PKP3: variants seen among roughly 807,000 people sequenced by gnomAD.
PKP3 encodes plakophilin 3, also known as plakophilin-3.
Under a neutral mutation model 76.5 loss-of-function variants are expected in PKP3, and 66 were observed. The ratio of observed to expected loss-of-function variants is 0.86; its 90% CI spans 0.71 to 1.06. The LOEUF is 1.06. PKP3 is among the 50% of genes least tolerant of loss of function. The pLI is 0.00. For synonymous variants in PKP3, 638 were observed against 516.5 expected (o/e 1.24, Z -3.19); for missense variants, 1,338 against 1,141.0 (o/e 1.17, Z -2.49).
At position 403,159 on chromosome 11, in the gene PKP3, A is replaced by C; in HGVS notation, c.1819A>C (p.Ile607Leu). Reference sequence around the variant, plus strand: ...CCTCGAGTGGCTGTGGAGCCCCCAGATCGTGGGGCTGTACAACCGGCTGCT... The same window carrying C: ...CCTCGAGTGGCTGTGGAGCCCCCAGCTCGTGGGGCTGTACAACCGGCTGCT... The part of the protein sequence containing the change: ...KGLEWLWSPQ[I>L]VGLYNRLLQR... The change falls in exon 9 of 13, where the codon ATC (isoleucine) becomes CTC (leucine). Residue 607 changes from isoleucine (I) to leucine (L), a missense_variant. Physicochemically the swap from Ile to Leu is conservative, Grantham distance 5 (BLOSUM62 2). Transcript: ENST00000331563. 6.3e-7 allele frequency: 1 copy of C among 1,584,564 alleles called. No individual in the cohort carries two copies. Among genetic ancestry groups the C allele is most frequent in the Non-Finnish European group, 8.6e-7 (1 of 1,167,670 alleles).
rs1354309182 is a variant in PKP3, at chr11:397,593, C to G, written c.999C>G (p.Pro333=). 1 of 1,612,118 alleles carries G rather than the reference C, an allele frequency of 6.2e-7. No individual in the cohort carries two copies. Among genetic ancestry groups the G allele is most frequent in the South Asian group, 1.1e-5 (1 of 91,076 alleles). Residue 333 remains proline (P), a synonymous_variant, in exon 4 of 13, where the codon CCC becomes CCG. Transcript: ENST00000331563. The part of the protein sequence containing the change: ...SAVKYLMASD[P]NLQVLGAAYI... ...TCAAGTACCTCATGGCTTCAGACCC[C>G]AACCTGCAGGTGCTGGGAGCGGCCT...
rs1481536671 is a variant in PKP3 at position 400,336 on chromosome 11, ACCT to A, written c.1453_1455del (p.Leu485del). The A allele has an allele frequency of 2.4e-5, 37 of 1,547,900 alleles. No homozygotes were observed. The highest frequency in any genetic ancestry group is 3.2e-5 in the Non-Finnish European group (37 of 1,145,608). ...CTCTGATCCACCTCGGTCCCCAGGA[ACCT>A]CAGCTCAGCCTCTCAGGCCACTCGC... On this transcript the variant is annotated inframe_deletion, in exon 7 of 13. Transcript: ENST00000331563.
intron 1 of PKP3, among the ~76,000 whole-genome samples, chr11:395,353 C>A (rs1847031293): frequency 6.6e-6 from 1 of 152,210 alleles, no homozygotes; most frequent in African/African-American, 2.4e-5. Flanking sequence ...TTCCCCAGGA[C>A]TGGCCTCCAG....
Position 404,558 on chromosome 11 carries a change from C to T in PKP3, c.2383C>T (p.Leu795=), listed in dbSNP as rs1208617206. The change falls in exon 13 of 13, where the codon CTG becomes TTG. Residue 795 remains leucine, a synonymous_variant. Transcript: ENST00000331563. The surrounding 1 kb of genome is among the most constrained non-coding windows in gnomAD (Gnocchi z 4.2). ...RAKGYRKEDF[L]GP ...GAAGGGCTATCGGAAGGAGGACTTC[C>T]TGGGCCCATAGGTGAAGCCTTCTGG... 6.2e-7 allele frequency: 1 copy of T among 1,612,558 alleles called. No individual in the cohort carries two copies.
At position 397,405 on chromosome 11, in the gene PKP3, A is replaced by G. The variant is rs769780997; in HGVS notation, c.904A>G (p.Ser302Gly). The stretch of plus-strand genomic sequence containing the variant: ...CCTGCCGGACGTGCATGGGTTCAAC[A>G]GCTACGGTAGCCACCGAACCCTGCA... ...GHLPDVHGFNSYGSHRTLQRL... is the reference protein window; with the variant it reads ...GHLPDVHGFNGYGSHRTLQRL... The change falls in exon 3 of 13, where the codon AGC becomes GGC. Residue 302 changes from serine (S) to glycine (G), a missense_variant. Physicochemically the swap from Ser to Gly is moderately conservative, Grantham distance 56 (BLOSUM62 0). Transcript: ENST00000331563. The G allele has an allele frequency of 8.1e-6, 13 of 1,611,900 alleles. No homozygotes were observed. Among genetic ancestry groups the G allele is most frequent in the East Asian group, 2.2e-5 (1 of 44,856 alleles).
Position 396,799 on chromosome 11 carries a change from C to T in PKP3, c.313-15C>T, listed in dbSNP as rs746667751. The T allele has an allele frequency of 6.4e-7, 1 of 1,570,932 alleles. No individual in the cohort carries two copies. The highest frequency in any genetic ancestry group is 1.2e-5 in the South Asian group (1 of 85,312). The stretch of plus-strand genomic sequence containing the variant: ...GAGCCCAGGCACGCCCTCACCGCCC[C>T]CTCTCGACCCACAGGGCTTCCGGCC... On this transcript the variant is annotated splice_polypyrimidine_tract_variant and intron_variant, in intron 2 of 12. Coordinates refer to ENST00000331563, the MANE Select transcript of PKP3 (RefSeq NM_007183.4).
chr11:400,539 T>A lies in PKP3; in HGVS notation c.1571T>A (p.Val524Glu). The A allele has an allele frequency of 4.0e-6, 6 of 1,490,782 alleles. No individual in the cohort carries two copies. The highest frequency in any genetic ancestry group is 5.3e-6 in the Non-Finnish European group (6 of 1,127,676). The allele number at this position is 1,490,782 out of a possible 1,614,324, so 92.3% of individuals were successfully genotyped here. ...GCCCCGCGCCCCCGCCCGCAGAGCGTGGAGAACGCGGTGTGCGTCCTGCGG... is the reference window on the plus strand; with the variant it reads ...GCCCCGCGCCCCCGCCCGCAGAGCGAGGAGAACGCGGTGTGCGTCCTGCGG... ...LDAGKCEDKS[V>E]ENAVCVLRNL... Residue 524 changes from valine (V) to glutamate (E), a missense_variant, in exon 8 of 13, where the codon GTG becomes GAG. By Grantham distance (121) the Val-to-Glu change is moderately radical. Coordinates refer to ENST00000331563, the MANE Select transcript of PKP3 (RefSeq NM_007183.4).
chr11:395,607 C>G (rs748720685), intron 1 of PKP3, among the ~76,000 whole-genome samples: 5 of 152,174 alleles, frequency 3.3e-5, no homozygotes, highest in Non-Finnish European at 5.9e-5. Flanking sequence ...GCCCCCACTC[C>G]GGGCTGGGCC....
At position 403,870 on chromosome 11, in the gene PKP3, G is replaced by A. The variant is rs1052155601; in HGVS notation, c.2078-73G>A. 120 of 1,563,318 alleles carry A rather than the reference G, an allele frequency of 7.7e-5. 5 individuals are homozygous for A. The South Asian group carries it at 1.3e-3, about 17-fold the overall frequency. The stretch of plus-strand genomic sequence containing the variant: ...ACCACTGGGGCCAGTCCAGCTCCCT[G>A]GGGGAGGCAGGGGACCCCAGGTGCC... On this transcript the variant is annotated intron_variant, in intron 10 of 12. Transcript: ENST00000331563.
chr11:398,099 C>G (rs1285368593), intron 4 of PKP3, among the ~76,000 whole-genome samples: 7 of 86,286 alleles, frequency 8.1e-5, no homozygotes, highest in African/African-American at 3.7e-4. Flanking sequence ...CCTCCGTACC[C>G]CCGCACACAC....
intron 10 of PKP3, 32 bp downstream of exon 10, chr11:403,803 C>A (rs748491770): frequency 1.9e-6 from 3 of 1,600,806 alleles, no homozygotes; most frequent in Admixed American, 3.3e-5. Flanking sequence ...CCCTGCCCTG[C>A]TGGACCCACA....
intron 6 of PKP3, 36 bp from the exon 7 acceptor site, chr11:400,298 G>T (rs1159189342): frequency 3.3e-6 from 5 of 1,501,574 alleles, no homozygotes; most frequent in Non-Finnish European, 4.5e-6. Context: ...CGGGATGCGG[G>T]GTCCCTGGGG....
At chr11:393,215 G>C (rs956384243), upstream of PKP3, among the ~76,000 whole-genome samples, 1 of 151,730 alleles carries the variant, frequency 6.6e-6, no homozygotes. Flanking sequence ...TTGGTCCAGG[G>C]CCCCCCCACC....
In PKP3 at chr11:400,541, G is replaced by A; in HGVS notation, c.1573G>A (p.Glu525Lys). 6.7e-7 allele frequency: 1 copy of A among 1,493,160 alleles called. No individual in the cohort carries two copies. 92.5% of individuals were successfully genotyped at this position (1,493,160 alleles called of 1,614,324 possible). ...CCCGCGCCCCCGCCCGCAGAGCGTGGAGAACGCGGTGTGCGTCCTGCGGAA... is the reference window on the plus strand; with the variant it reads ...CCCGCGCCCCCGCCCGCAGAGCGTGAAGAACGCGGTGTGCGTCCTGCGGAA... Reference protein sequence around the residue: ...DAGKCEDKSVENAVCVLRNLS... With the variant: ...DAGKCEDKSVKNAVCVLRNLS... Residue 525 changes from glutamate (E) to lysine (K), a missense_variant, in exon 8 of 13, where the codon GAG (glutamate) becomes AAG (lysine). Glu to Lys is a moderately conservative substitution (Grantham distance 56, BLOSUM62 1). Transcript: ENST00000331563.
At chr11:400,817 C>A in intron 8 of PKP3, 112 bp downstream of exon 8, 4 of 403,556 alleles carry the variant, frequency 9.9e-6, no homozygotes, top group Non-Finnish European at 1.0e-5. Context: ...CCCCGCCCCG[C>A]TCACCCCGGA....
At chr11:403,333 A>C in intron 9 of PKP3, 70 bp downstream of exon 9, 10 of 1,047,720 alleles carry the variant, frequency 9.5e-6, no homozygotes, top group Non-Finnish European at 1.2e-5. Context: ...CAGAGGAGGG[A>C]GAGGGAGGGG....
At chr11:403,863 G>A (rs1847203802) in intron 10 of PKP3, 80 bp from the exon 11 acceptor site, 2 of 1,572,118 alleles carry the variant, frequency 1.3e-6, no homozygotes, top group Admixed American at 3.4e-5. Context: ...GGCCAGTCCA[G>A]CTCCCTGGGG....
At position 400,698 on chromosome 11, in the gene PKP3, T is replaced by A. The variant is rs2133602644; in HGVS notation, c.1730T>A (p.Leu577Gln). 1.6e-6 allele frequency: 2 copies of A among 1,264,554 alleles called. No individual in the cohort carries two copies. The highest frequency in any genetic ancestry group is 4.5e-5 in the South Asian group (2 of 44,020). 78.3% of individuals were successfully genotyped at this position (1,264,554 alleles called of 1,614,324 possible). A position where few individuals can be genotyped will look rare whatever the true frequency, so the allele number is the denominator to read the frequency against. ...VGCFTPQSRR[L>Q]RELPLAADAL... ...TGCTTCACGCCGCAGAGCCGGCGGC[T>A]GCGCGAGGTGGGCACCAGCCTGAGC... is the stretch of plus-strand genomic sequence containing the variant. Residue 577 changes from leucine (L) to glutamine (Q), a missense_variant, in exon 8 of 13, where the codon CTG (leucine) becomes CAG (glutamine). Physicochemically the swap from Leu to Gln is moderately radical, Grantham distance 113. Coordinates refer to ENST00000331563, the MANE Select transcript of PKP3 (RefSeq NM_007183.4).
At chr11:392,903 C>G (rs1010807537), upstream of PKP3, among the ~76,000 whole-genome samples, 1 of 152,068 alleles carries the variant, frequency 6.6e-6, no homozygotes, top group Admixed American at 6.5e-5. Context: ...CCGGCCCTCA[C>G]GCCAGACCCC....
Sources: allele counts gnomAD v4.1 joint callset (sites outside exome capture counted in the v4.1 genomes callset), GRCh38; gene constraint gnomAD v4.1.1; non-coding constraint Gnocchi (gnomAD v3.1); transcripts MANE v1.5; gene names NCBI Gene and HGNC (gene_info 2026-07-23, HGNC 2026-07-21).